The following DCAF1 variants were observed in gnomAD, a reference collection of about 807,000 sequenced individuals.
The protein encoded by DCAF1 is DDB1 and CUL4 associated factor 1.
DCAF1 carries 15 observed loss-of-function variants against 128.0 expected under a neutral mutation model. That is an observed-to-expected ratio of 0.12 (90% confidence interval 0.08 to 0.18). The LOEUF is 0.18. Among genes scored for constraint, DCAF1 ranks in the 10% least tolerant of loss-of-function variants. DCAF1 has a pLI of 1.00. For missense variants in DCAF1, 988 were observed against 1,649.5 expected (o/e 0.60, Z 6.95); for synonymous variants, 610 against 603.0 (o/e 1.01, Z -0.17).
At chr3:51,446,104 CT>C (rs1701825032) in intron 6 of DCAF1, among the ~76,000 whole-genome samples, 1 of 151,504 alleles carries the variant, frequency 6.6e-6, no homozygotes, top group African/African-American at 2.4e-5. Flanking sequence ...AGTGTTTCTC[CT>C]GCCTTGGCCT....
intron 6 of DCAF1, among the ~76,000 whole-genome samples, chr3:51,450,761 C>T (rs557906893): frequency 4.3e-4 from 65 of 152,246 alleles, no homozygotes; most frequent in Middle Eastern, 3.4e-3. Flanking sequence ...AGGTTACAGG[C>T]GTGAGCCACC....
chr3:51,398,628 T>C lies in DCAF1; in HGVS notation c.*141A>G. The C allele has an allele frequency of 3.4e-6, 4 of 1,176,328 alleles. No homozygotes were observed. Among genetic ancestry groups the C allele is most frequent in the Admixed American group, 2.4e-5 (1 of 42,134 alleles). 72.9% of individuals were successfully genotyped at this position (1,176,328 alleles called of 1,614,324 possible). On this transcript the variant is annotated 3_prime_UTR_variant, in exon 25 of 25. Transcript: ENST00000684031. ...ACCCTCGGGTGCCAATGAGGCTCTC[T>C]AAGCCATAATCTTCTGAATGCAGGG... is the stretch of plus-strand genomic sequence containing the variant.
chr3:51,443,623 A>G, intron 7 of DCAF1, 143 bp downstream of exon 7: 1 of 773,974 alleles, frequency 1.3e-6, no homozygotes, highest in East Asian at 3.4e-5. Context: ...ATTTTTAAAA[A>G]CTCTTATGGA....
intron 3 of DCAF1, among the ~76,000 whole-genome samples, chr3:51,474,193 C>T (rs1055139270): frequency 1.3e-5 from 2 of 151,884 alleles, no homozygotes; most frequent in African/African-American, 2.4e-5. Context: ...CTGAGGCGGG[C>T]GGATCACCTG....
Position 51,416,943 on chromosome 3 carries a change from G to C in DCAF1, c.3519-72C>G, listed in dbSNP as rs1223072311. 7.1e-6 allele frequency: 11 copies of C among 1,543,990 alleles called. No individual in the cohort carries two copies. The African/African-American group carries it at 9.6e-5, about 13-fold the overall frequency. On this transcript the variant is annotated intron_variant, in intron 17 of 24. Transcript: ENST00000684031. ...TATTCCTGCAACCAACTGAAACACA[G>C]GTGACCCCCAGCCTCTTGCACAATC...
At chr3:51,499,514 T>G (rs1454085873) in intron 1 of DCAF1, among the ~76,000 whole-genome samples, 1 of 151,672 alleles carries the variant, frequency 6.6e-6, no homozygotes, top group Non-Finnish European at 1.5e-5. Flanking sequence ...GAACAGAGAC[T>G]AGGAGGATTG....
chr3:51,422,469 T>C (rs781872565), intron 13 of DCAF1, 38 bp from the exon 14 acceptor site: 3 of 716,954 alleles, frequency 4.2e-6, no homozygotes, highest in African/African-American at 1.7e-5. Flanking sequence ...AATTAGAGTA[T>C]AGCCACAAGA....
intron 2 of DCAF1, among the ~76,000 whole-genome samples, chr3:51,489,827 G>A (rs1707414280): frequency 2.1e-5 from 1 of 48,360 alleles, no homozygotes; most frequent in Admixed American, 2.2e-4. Context: ...GTGTGTGTGT[G>A]TGTGTATATA....
intron 9 of DCAF1, chr3:51,440,029 C>A: frequency 3.1e-6 from 1 of 321,978 alleles, no homozygotes; most frequent in Admixed American, 4.7e-5. Flanking sequence ...TTAGCTGATA[C>A]AGGTAATATC....
intron 19 of DCAF1, 128 bp from the exon 20 acceptor site, chr3:51,414,171 G>A (rs1444461384): frequency 3.9e-6 from 5 of 1,271,486 alleles, no homozygotes; most frequent in African/African-American, 1.5e-5. Flanking sequence ...ATGAGATCAA[G>A]GTAAAACAAA....
chr3:51,401,253 G>A (rs186898247), intron 24 of DCAF1, among the ~76,000 whole-genome samples: 114 of 152,246 alleles, frequency 7.5e-4, no homozygotes, highest in African/African-American at 2.6e-3. Flanking sequence ...GGTACGTGGG[G>A]GCGCATGGGT....
chr3:51,498,382 A>AG (rs1708477194), intron 1 of DCAF1, among the ~76,000 whole-genome samples: 1 of 151,334 alleles, frequency 6.6e-6, no homozygotes, highest in African/African-American at 2.4e-5. Flanking sequence ...AAAAGAAAAA[A>AG]AAAAAAAAAA....
At chr3:51,494,077 A>G (rs1462839266) in intron 2 of DCAF1, among the ~76,000 whole-genome samples, 2 of 151,424 alleles carry the variant, frequency 1.3e-5, no homozygotes, top group Non-Finnish European at 2.9e-5. Flanking sequence ...AGGAAAGGGG[A>G]AAATGGGCAG....
chr3:51,504,291 C>T (rs1329741635), upstream of DCAF1, among the ~76,000 whole-genome samples: 2 of 151,984 alleles, frequency 1.3e-5, no homozygotes, highest in African/African-American at 2.4e-5. Context: ...CCGCCTCTGC[C>T]TCCCAAAATG....
At chr3:51,500,605 C>T (rs1158411596), upstream of DCAF1, among the ~76,000 whole-genome samples, 1 of 151,876 alleles carries the variant, frequency 6.6e-6, no homozygotes, top group Admixed American at 6.6e-5. Context: ...CAGTGACGAT[C>T]TCAGCTCACT....
intron 16 of DCAF1, 54 bp from the exon 17 acceptor site, chr3:51,418,252 T>C (rs1384564793): frequency 2.9e-5 from 45 of 1,551,286 alleles, no homozygotes; most frequent in Non-Finnish European, 3.5e-5. Flanking sequence ...CATGCAGATG[T>C]CACTACCTGC....
At chr3:51,466,979 T>C (rs1704191568) in intron 4 of DCAF1, 103 bp from the exon 5 acceptor site, 1 of 861,404 alleles carries the variant, frequency 1.2e-6, no homozygotes, top group Non-Finnish European at 1.9e-6. Flanking sequence ...TAAGCACTAA[T>C]AAAATGCCAG....
downstream of DCAF1, chr3:51,396,593 C>A (rs1186630259): frequency 6.0e-6 from 1 of 167,172 alleles, no homozygotes; most frequent in African/African-American, 2.4e-5. Context: ...ATGTGCCTCA[C>A]TGGTGGTGTG....
chr3:51,461,944 G>C (rs1703634493), intron 6 of DCAF1, among the ~76,000 whole-genome samples: 1 of 152,062 alleles, frequency 6.6e-6, no homozygotes, highest in Non-Finnish European at 1.5e-5. Flanking sequence ...GATAGCATTA[G>C]GAGATATACC....
Sources: gnomAD v4.1 joint callset for allele counts (sites outside exome capture counted in the v4.1 genomes callset) on GRCh38, gnomAD v4.1.1 for gene constraint, MANE v1.5 for transcripts, NCBI Gene and HGNC (gene_info 2026-07-23, HGNC 2026-07-21) for gene names.